SLITRK3: variants seen among roughly 807,000 people sequenced by gnomAD.
The protein encoded by SLITRK3 is SLIT and NTRK-like protein 3.
A neutral mutation model predicts 63.6 loss-of-function variants in SLITRK3; 16 were observed. That is an observed-to-expected ratio of 0.25 (90% CI 0.17 to 0.38). SLITRK3 has a LOEUF of 0.38. Ranked by LOEUF, SLITRK3 falls within the 10% of genes least tolerant of loss-of-function variation. The pLI is 1.00. For missense variants in SLITRK3, 1,117 were observed against 1,181.4 expected (o/e 0.95, Z 0.80); for synonymous variants, 547 against 451.6 (o/e 1.21, Z -2.68).
At chr3:165,191,272 T>C (rs1042956296) in intron 1 of SLITRK3, among the ~76,000 whole-genome samples, 1 of 152,244 alleles carries the variant, frequency 6.6e-6, no homozygotes, top group African/African-American at 2.4e-5. Context: ...ATAAATCTGA[T>C]TGGAACTCTG....
chr3:165,193,983 C>T (rs1718332192), intron 1 of SLITRK3, among the ~76,000 whole-genome samples: 1 of 152,006 alleles, frequency 6.6e-6, no homozygotes, highest in South Asian at 2.1e-4. Flanking sequence ...TTTTAAGGCT[C>T]AGCTGACAGC....
Position 165,189,213 on chromosome 3 carries a change from G to A in SLITRK3, c.1618C>T (p.Leu540Phe). 6.2e-7 allele frequency: 1 copy of A among 1,614,212 alleles called. No homozygotes were observed. Among genetic ancestry groups the A allele is most frequent in the Non-Finnish European group, 8.5e-7 (1 of 1,180,052 alleles). Reference sequence around the variant, plus strand: ...AGGACACCAGCCACGGGAAGATAGAGGAAGTAGTTCTTCCTCAGGTTGAGC... The same window carrying A: ...AGGACACCAGCCACGGGAAGATAGAAGAAGTAGTTCTTCCTCAGGTTGAGC... The part of the protein sequence containing the change: ...ARLNLRKNYF[L>F]YLPVAGVLEH... Residue 540 changes from leucine to phenylalanine, a missense_variant, in exon 2 of 2, where the codon CTC becomes TTC. Physicochemically the swap from Leu to Phe is conservative, Grantham distance 22. Coordinates refer to ENST00000475390, the MANE Select transcript of SLITRK3 (RefSeq NM_001318810.2). The surrounding 1 kb of genome is among the most constrained non-coding windows in gnomAD (Gnocchi z 4.0).
In SLITRK3 at chr3:165,188,448, C is replaced by G. The variant is rs747597295; in HGVS notation, c.2383G>C (p.Glu795Gln). 10 of 1,613,722 alleles carry G rather than the reference C, an allele frequency of 6.2e-6. No individual in the cohort carries two copies. Among genetic ancestry groups the G allele is most frequent in the Non-Finnish European group, 7.6e-6 (9 of 1,179,916 alleles). Residue 795 changes from glutamate to glutamine, a missense_variant, in exon 2 of 2, where the codon GAG becomes CAG. Physicochemically the swap from Glu to Gln is conservative, Grantham distance 29 (BLOSUM62 2). Coordinates refer to ENST00000475390, the MANE Select transcript of SLITRK3 (RefSeq NM_001318810.2). Reference sequence around the variant, plus strand: ...TCCTTGGGTGTCTCAGCAAACTGCTCACTTCCTAGGAGAGCCTCACCCATT... The same window carrying G: ...TCCTTGGGTGTCTCAGCAAACTGCTGACTTCCTAGGAGAGCCTCACCCATT... ...PGMGEALLGS[E>Q]QFAETPKENH...
intron 1 of SLITRK3, among the ~76,000 whole-genome samples, chr3:165,193,653 A>G (rs541468485): frequency 6.6e-6 from 1 of 152,138 alleles, no homozygotes; most frequent in East Asian, 1.9e-4. Flanking sequence ...TGGATTCAAC[A>G]GCATTTCTTT....
At chr3:165,194,955 A>AGC (rs1462323518) in intron 1 of SLITRK3, among the ~76,000 whole-genome samples, 1 of 151,994 alleles carries the variant, frequency 6.6e-6, no homozygotes, top group Non-Finnish European at 1.5e-5. Context: ...TCCTGCTGGG[A>AGC]GCGCCCAGAG....
At position 165,188,481 on chromosome 3, in the gene SLITRK3, G is replaced by A. The variant is rs142744559; in HGVS notation, c.2350C>T (p.Pro784Ser). ...AGGAGAGCCTCACCCATTCCCGGTGGTTGTGTCCCTGGACCCCCACGTTCT... is the reference window on the plus strand; with the variant it reads ...AGGAGAGCCTCACCCATTCCCGGTGATTGTGTCCCTGGACCCCCACGTTCT... The part of the protein sequence containing the change: ...SAERGGPGTQ[P>S]PGMGEALLGS... Residue 784 changes from proline (P) to serine (S), a missense_variant, in exon 2 of 2, where the codon CCA becomes TCA. Coordinates refer to ENST00000475390, the MANE Select transcript of SLITRK3 (RefSeq NM_001318810.2). 331 of 1,613,984 alleles carry A rather than the reference G, an allele frequency of 2.1e-4. 2 individuals carry two copies. The East Asian group carries it at 7.0e-3, about 34-fold the overall frequency.
Position 165,187,657 on chromosome 3 carries a change from C to A in SLITRK3, c.*240G>T. ...AATGATAACATTTGCTGGCAAAAGTCTGCGAAGGCACTTTCATTGATTAAT... is the reference window on the plus strand; with the variant it reads ...AATGATAACATTTGCTGGCAAAAGTATGCGAAGGCACTTTCATTGATTAAT... On this transcript the variant is annotated 3_prime_UTR_variant, in exon 2 of 2. Coordinates refer to ENST00000475390, the MANE Select transcript of SLITRK3 (RefSeq NM_001318810.2). 2.6e-6 allele frequency: 1 copy of A among 390,782 alleles called. No individual in the cohort carries two copies. The highest frequency in any genetic ancestry group is 4.6e-6 in the Non-Finnish European group (1 of 219,160). The allele number at this position is 390,782 out of a possible 1,614,324, so 24.2% of individuals were successfully genotyped here. A position where few individuals can be genotyped will look rare whatever the true frequency, so the allele number is the denominator to read the frequency against.
rs1404082365 is a variant in SLITRK3 at position 165,187,887 on chromosome 3, C to T, written c.*10G>A. The T allele has an allele frequency of 3.0e-5, 46 of 1,529,880 alleles. No homozygotes were observed. Among genetic ancestry groups the T allele is most frequent in the South Asian group, 1.3e-4 (10 of 77,842 alleles). 94.8% of individuals were successfully genotyped at this position (1,529,880 alleles called of 1,614,324 possible). On this transcript the variant is annotated 3_prime_UTR_variant, in exon 2 of 2. Coordinates refer to ENST00000475390, the MANE Select transcript of SLITRK3 (RefSeq NM_001318810.2). ...AAAAAAAAAAGCACTAATATATTTT[C>T]TTCTCTCTGTTAGAACCTGTATGTT...
At position 165,188,336 on chromosome 3, in the gene SLITRK3, G is replaced by A. The variant is rs745603572; in HGVS notation, c.2495C>T (p.Thr832Met). 1.7e-5 allele frequency: 28 copies of A among 1,613,810 alleles called. No individual in the cohort carries two copies. The highest frequency in any genetic ancestry group is 6.7e-5 in the East Asian group (3 of 44,866). The change falls in exon 2 of 2, where the codon ACG becomes ATG. Residue 832 changes from threonine to methionine, a missense_variant. Physicochemically the swap from Thr to Met is moderately conservative, Grantham distance 81. This residue lies in a region of SLITRK3 where 499 missense variants were observed against 463.6 expected (regional missense o/e 1.08). Coordinates refer to ENST00000475390, the MANE Select transcript of SLITRK3 (RefSeq NM_001318810.2). ...GTGGTGAGGGTGATGGTGATTCACC[G>A]TCACTATGGTGTTAAGCTGGGAGCT... Reference protein sequence around the residue: ...VSSSQLNTIVTVNHHHPHHPA... With the variant: ...VSSSQLNTIVMVNHHHPHHPA...
At chr3:165,191,802 G>T (rs1229714348) in intron 1 of SLITRK3, among the ~76,000 whole-genome samples, 2 of 152,158 alleles carry the variant, frequency 1.3e-5, no homozygotes, top group African/African-American at 4.8e-5. Context: ...TTAGAGGGGA[G>T]GTGGGTAGTT....
chr3:165,189,965 A>T lies in SLITRK3; in HGVS notation c.866T>A (p.Val289Glu). Residue 289 changes from valine (V) to glutamate (E), a missense_variant, in exon 2 of 2, where the codon GTA becomes GAA. Around this residue, in one of 4 missense-constraint regions of SLITRK3, gnomAD observed 452 missense variants for 495.3 expected, o/e 0.91. Coordinates refer to ENST00000475390, the MANE Select transcript of SLITRK3 (RefSeq NM_001318810.2). This position sits in a 1 kb window ranked among gnomAD's most constrained non-coding sequence, Gnocchi z 4.0. ...ELCPLLSDSE[V>E]EASLGIPHSS... ...ATGTGGAATTCCCAAACTAGCCTCT[A>T]CCTCAGAGTCAGACAACAAGGGACA... The T allele has an allele frequency of 6.2e-7, 1 of 1,614,156 alleles. No individual in the cohort carries two copies. The highest frequency in any genetic ancestry group is 8.5e-7 in the Non-Finnish European group (1 of 1,180,026).
rs773929963 is a variant in SLITRK3, at chr3:165,188,821, A to G, written c.2010T>C (p.Val670=). ...GCACGTAGGCAAAGAGGCCTGCAGCAACAAAGACTGCTGAGAAAAACAGAA... is the reference window on the plus strand; with the variant it reads ...GCACGTAGGCAAAGAGGCCTGCAGCGACAAAGACTGCTGAGAAAAACAGAA... ...LLVLFFSAVF[V]AAGLFAYVLR... is the part of the protein sequence containing the mutation. The change falls in exon 2 of 2, where the codon GTT becomes GTC. Residue 670 remains valine (V), a synonymous_variant. Coordinates refer to ENST00000475390, the MANE Select transcript of SLITRK3 (RefSeq NM_001318810.2). The G allele has an allele frequency of 6.2e-7, 1 of 1,614,188 alleles. No individual in the cohort carries two copies. The highest frequency in any genetic ancestry group is 8.5e-7 in the Non-Finnish European group (1 of 1,180,032).
At chr3:165,193,634 G>T (rs1245255288) in intron 1 of SLITRK3, among the ~76,000 whole-genome samples, 1 of 151,922 alleles carries the variant, frequency 6.6e-6, no homozygotes, top group Admixed American at 6.6e-5. Flanking sequence ...CAAAGCCTTC[G>T]ATAGCCCCTG....
At chr3:165,192,554 T>C (rs912067082) in intron 1 of SLITRK3, among the ~76,000 whole-genome samples, 9 of 151,828 alleles carry the variant, frequency 5.9e-5, no homozygotes, top group African/African-American at 2.2e-4. Context: ...TATTTATTTA[T>C]TAGCATGGAA....
intron 1 of SLITRK3, among the ~76,000 whole-genome samples, chr3:165,193,795 G>A (rs1428186897): frequency 6.6e-6 from 1 of 151,958 alleles, no homozygotes; most frequent in African/African-American, 2.4e-5. Flanking sequence ...TTAAGGATTT[G>A]GATGCTTTTG....
intron 1 of SLITRK3, among the ~76,000 whole-genome samples, chr3:165,192,261 A>G (rs991375188): frequency 6.6e-6 from 1 of 152,206 alleles, no homozygotes; most frequent in African/African-American, 2.4e-5. Context: ...GAAAGGAGAT[A>G]CCGTGAGAAA....
chr3:165,187,175 G>A lies in SLITRK3; in HGVS notation c.*722C>T, dbSNP rs918326765. 9.2e-5 allele frequency: 14 copies of A among 152,858 alleles called. No individual in the cohort carries two copies. The highest frequency in any genetic ancestry group is 1.9e-4 in the East Asian group (1 of 5,154). The allele number at this position is 152,858 out of a possible 1,614,324, so 9.5% of individuals were successfully genotyped here. A position where few individuals can be genotyped will look rare whatever the true frequency, so the allele number is the denominator to read the frequency against. On this transcript the variant is annotated 3_prime_UTR_variant, in exon 2 of 2. Coordinates refer to ENST00000475390, the MANE Select transcript of SLITRK3 (RefSeq NM_001318810.2). Reference sequence around the variant, plus strand: ...GAGAGGAGAAAAATGGATCAAACCCGAACTAAGCAGATTGAGTTGAATGGA... The same window carrying A: ...GAGAGGAGAAAAATGGATCAAACCCAAACTAAGCAGATTGAGTTGAATGGA...
chr3:165,189,178 C>A lies in SLITRK3; in HGVS notation c.1653G>T (p.Leu551Phe). Residue 551 changes from leucine to phenylalanine, a missense_variant, in exon 2 of 2, where the codon TTG becomes TTT. Leu to Phe is a conservative substitution (Grantham distance 22, BLOSUM62 0). This residue lies in a region of SLITRK3 where 158 missense variants were observed against 197.2 expected (regional missense o/e 0.80). Coordinates refer to ENST00000475390, the MANE Select transcript of SLITRK3 (RefSeq NM_001318810.2). The surrounding 1 kb of genome is among the most constrained non-coding windows in gnomAD (Gnocchi z 4.0). ...YLPVAGVLEHLNAIVQIDLNE... is the reference protein window; with the variant it reads ...YLPVAGVLEHFNAIVQIDLNE... ...TGAGGTCTATCTGGACAATGGCATT[C>A]AAGTGTTCCAGGACACCAGCCACGG... 1 of 1,614,148 alleles carries A rather than the reference C, an allele frequency of 6.2e-7. No homozygotes were observed.
In SLITRK3 at chr3:165,190,411, G is replaced by A. The variant is rs150120835; in HGVS notation, c.420C>T (p.Phe140=). Residue 140 remains phenylalanine, a synonymous_variant, in exon 2 of 2, where the codon TTC becomes TTT. Coordinates refer to ENST00000475390, the MANE Select transcript of SLITRK3 (RefSeq NM_001318810.2). ...CCAAGCCAAGGAAGGTGTCATTTCT[G>A]AAGACATCTAGTTTGTTTTCATGTA... is the stretch of plus-strand genomic sequence containing the variant. ...LYLHENKLDV[F]RNDTFLGLES... The A allele has an allele frequency of 6.2e-7, 1 of 1,613,826 alleles. No individual in the cohort carries two copies. Among genetic ancestry groups the A allele is most frequent in the African/African-American group, 1.3e-5 (1 of 75,020 alleles).
Sources: gnomAD v4.1 joint callset for allele counts (sites outside exome capture counted in the v4.1 genomes callset) on GRCh38, gnomAD v4.1.1 for gene constraint, gnomAD v4.1.1 regional missense constraint, Gnocchi (gnomAD v3.1) non-coding constraint, MANE v1.5 for transcripts, NCBI Gene and HGNC (gene_info 2026-07-23, HGNC 2026-07-21) for gene names.